The following SLC24A3 variants were observed in gnomAD, a reference collection of about 807,000 sequenced individuals.
SLC24A3 encodes sodium/potassium/calcium exchanger 3.
A neutral mutation model predicts 75.8 loss-of-function variants in SLC24A3; 28 were observed. The ratio of observed to expected loss-of-function variants is 0.37; its 90% CI spans 0.27 to 0.51. The LOEUF (loss-of-function observed/expected upper bound fraction) is 0.51. SLC24A3 is among the 20% of genes least tolerant of loss of function. The probability of loss-of-function intolerance (pLI) is 0.94; values close to 1 mark genes in which losing one functional copy is unlikely to be tolerated. For synonymous variants in SLC24A3, 372 were observed against 334.1 expected (o/e 1.11, Z -1.24); for missense variants, 663 against 847.8 (o/e 0.78, Z 2.71).
intron 6 of SLC24A3, among the ~76,000 whole-genome samples, chr20:19,617,156 C>G (rs1188287811): frequency 6.6e-6 from 1 of 152,234 alleles, no homozygotes; most frequent in African/African-American, 2.4e-5. Context: ...ATGAATCTGA[C>G]TTCATAGGGC....
intron 1 of SLC24A3, among the ~76,000 whole-genome samples, chr20:19,215,038 G>A (rs749229819): frequency 5.9e-5 from 9 of 151,910 alleles, no homozygotes; most frequent in South Asian, 2.1e-4. Context: ...TTTTTTTTCC[G>A]TTAGGTATTG....
At chr20:19,574,963 C>T (rs553684141) in intron 3 of SLC24A3, among the ~76,000 whole-genome samples, 89 of 152,050 alleles carry the variant, frequency 5.9e-4, no homozygotes, top group Non-Finnish European at 1.0e-3. Context: ...TGCTAGATTA[C>T]ACCAGGCCAG....
chr20:19,299,583 T>C (rs937282207), intron 2 of SLC24A3, among the ~76,000 whole-genome samples: 1 of 152,220 alleles, frequency 6.6e-6, no homozygotes, highest in Non-Finnish European at 1.5e-5. Flanking sequence ...CCTGGACTGA[T>C]CTTTTTATTT....
chr20:19,499,203 C>T (rs929232759), intron 2 of SLC24A3, among the ~76,000 whole-genome samples: 1 of 152,198 alleles, frequency 6.6e-6, no homozygotes, highest in Admixed American at 6.5e-5. Context: ...TTGTCTTAAG[C>T]CACTATGTTT....
At chr20:19,363,253 C>T (rs920097356) in intron 2 of SLC24A3, among the ~76,000 whole-genome samples, 1 of 152,208 alleles carries the variant, frequency 6.6e-6, no homozygotes, top group African/African-American at 2.4e-5. Flanking sequence ...GCCGTGGGCC[C>T]TTTTGTTCCC....
intron 1 of SLC24A3, among the ~76,000 whole-genome samples, chr20:19,233,448 G>T (rs765466255): frequency 8.5e-5 from 13 of 152,184 alleles, no homozygotes; most frequent in African/African-American, 2.9e-4. Flanking sequence ...GTCCCGTGAT[G>T]GCTCTTTCAC....
At chr20:19,702,574 G>A (rs999845632) in intron 15 of SLC24A3, among the ~76,000 whole-genome samples, 1 of 151,824 alleles carries the variant, frequency 6.6e-6, no homozygotes, top group African/African-American at 2.4e-5. Context: ...GGAGAAAGGT[G>A]TGTCATGTTG....
chr20:19,560,024 A>C (rs1183218559), intron 3 of SLC24A3, among the ~76,000 whole-genome samples: 1 of 152,164 alleles, frequency 6.6e-6, no homozygotes, highest in African/African-American at 2.4e-5. Context: ...GATTTACAAC[A>C]GTCCTGAATT....
chr20:19,647,446 C>T (rs1007262219), intron 6 of SLC24A3, among the ~76,000 whole-genome samples: 2 of 152,262 alleles, frequency 1.3e-5, no homozygotes, highest in Non-Finnish European at 2.9e-5. Flanking sequence ...AATGCTGTGC[C>T]GGGTGCTGGC....
At position 19,717,597 on chromosome 20, in the gene SLC24A3, G is replaced by A; in HGVS notation, c.1785+4G>A. ...CCTGGCCTCTGTTTTTGTCACGGTA[G>A]GTTGGCAGCTCTCTCCTCGTACTTG... On this transcript the variant is annotated splice_donor_region_variant and intron_variant, in intron 16 of 16. Transcript: ENST00000328041. 3 of 1,614,084 alleles carry A rather than the reference G, an allele frequency of 1.9e-6. No homozygotes were observed. Among genetic ancestry groups the A allele is most frequent in the Non-Finnish European group, 2.5e-6 (3 of 1,179,936 alleles).
intron 2 of SLC24A3, among the ~76,000 whole-genome samples, chr20:19,384,461 G>A (rs1986237513): frequency 6.6e-6 from 1 of 152,154 alleles, no homozygotes; most frequent in African/African-American, 2.4e-5. Flanking sequence ...ATTTCACTTA[G>A]CATAATGCCC....
intron 2 of SLC24A3, among the ~76,000 whole-genome samples, chr20:19,398,766 A>G (rs908447824): frequency 1.3e-5 from 2 of 152,186 alleles, no homozygotes; most frequent in African/African-American, 4.8e-5. Flanking sequence ...ATATCTGGGA[A>G]ATGCATTTAA....
intron 2 of SLC24A3, among the ~76,000 whole-genome samples, chr20:19,301,333 C>T (rs1020921281): frequency 6.6e-6 from 1 of 152,188 alleles, no homozygotes; most frequent in Non-Finnish European, 1.5e-5. Flanking sequence ...AGCAGGACAC[C>T]TATCCAGCTG....
At chr20:19,686,747 CAG>C (rs2032680426) in intron 12 of SLC24A3, among the ~76,000 whole-genome samples, 2 of 152,182 alleles carry the variant, frequency 1.3e-5, no homozygotes, top group African/African-American at 4.8e-5. Context: ...TGTGCCCACT[CAG>C]GGCACCCAAG....
intron 9 of SLC24A3, among the ~76,000 whole-genome samples, chr20:19,676,403 T>G (rs2032525329): frequency 6.6e-6 from 1 of 152,224 alleles, no homozygotes; most frequent in African/African-American, 2.4e-5. Context: ...GAATGGAAGC[T>G]ACTGTGCTCA....
At chr20:19,696,615 C>A (rs1475769403) in intron 13 of SLC24A3, 182 bp from the exon 14 acceptor site, 2 of 495,448 alleles carry the variant, frequency 4.0e-6, no homozygotes, top group African/African-American at 1.9e-5. Flanking sequence ...CGTCCCCTGA[C>A]CTGCAGCCCC....
intron 2 of SLC24A3, among the ~76,000 whole-genome samples, chr20:19,311,734 A>G (rs183494296): frequency 6.6e-6 from 1 of 152,184 alleles, no homozygotes; most frequent in African/African-American, 2.4e-5. Flanking sequence ...ATAGCCTGTT[A>G]GTAACAACAG....
chr20:19,274,945 C>A (rs556390901), intron 1 of SLC24A3, among the ~76,000 whole-genome samples: 1 of 152,316 alleles, frequency 6.6e-6, no homozygotes, highest in African/African-American at 2.4e-5. Context: ...TTAGTGCTGC[C>A]GCCCTTGGCT....
intron 12 of SLC24A3, among the ~76,000 whole-genome samples, chr20:19,690,876 TTTTG>T (rs1427363468): frequency 6.6e-6 from 1 of 152,220 alleles, no homozygotes; most frequent in Non-Finnish European, 1.5e-5. Flanking sequence ...TTACTATTTT[TTTTG>T]TTTGTTTGCT....
Sources: gnomAD v4.1 joint callset for allele counts (sites outside exome capture counted in the v4.1 genomes callset) on GRCh38, gnomAD v4.1.1 for gene constraint, MANE v1.5 for transcripts, NCBI Gene and HGNC (gene_info 2026-07-23, HGNC 2026-07-21) for gene names.